The following KCNJ16 variants were observed in gnomAD, a reference collection of about 807,000 sequenced individuals.
KCNJ16 encodes potassium inwardly rectifying channel subfamily J member 16.
Under a neutral mutation model 18.5 loss-of-function variants are expected in KCNJ16, and 15 were observed. The ratio of observed to expected loss-of-function variants is 0.81; its 90% CI spans 0.54 to 1.25. The LOEUF is 1.25. Ranked by LOEUF, KCNJ16 falls within the 50% of genes most tolerant of loss-of-function variation. KCNJ16 has a pLI of 0.00. For synonymous variants in KCNJ16, 174 were observed against 186.5 expected (o/e 0.93, Z 0.55); for missense variants, 523 against 525.7 (o/e 0.99, Z 0.05).
chr17:70,110,549 G>GT (rs1342103164), intron 2 of KCNJ16, among the ~76,000 whole-genome samples: 3 of 152,070 alleles, frequency 2.0e-5, no homozygotes, highest in Non-Finnish European at 4.4e-5. Flanking sequence ...TAGTTCTTCA[G>GT]TAAGAGTCCA....
chr17:70,117,459 A>G (rs1184699300), intron 2 of KCNJ16, among the ~76,000 whole-genome samples: 1 of 152,200 alleles, frequency 6.6e-6, no homozygotes, highest in Non-Finnish European at 1.5e-5. Context: ...AGCTGAAAAA[A>G]TAATAATAAT....
chr17:70,076,183 T>G (rs1420197478), intron 1 of KCNJ16, among the ~76,000 whole-genome samples: 1 of 152,130 alleles, frequency 6.6e-6, no homozygotes, highest in Non-Finnish European at 1.5e-5. Flanking sequence ...GACTGAATGG[T>G]CTTTAGAAAA....
At chr17:70,112,040 A>G (rs1404083433) in intron 2 of KCNJ16, among the ~76,000 whole-genome samples, 1 of 152,192 alleles carries the variant, frequency 6.6e-6, no homozygotes, top group Non-Finnish European at 1.5e-5. Flanking sequence ...TATACATCAG[A>G]GTGGTCCTGC....
chr17:70,126,096 T>C (rs1409958012), intron 2 of KCNJ16, among the ~76,000 whole-genome samples: 1 of 152,200 alleles, frequency 6.6e-6, no homozygotes, highest in Non-Finnish European at 1.5e-5. Flanking sequence ...GGGGGAGATG[T>C]GCTTTACTAC....
rs201605958 is a variant in KCNJ16 at position 70,104,561 on chromosome 17, AAGC to A, written c.-191+3797_-191+3799del. On this transcript the variant is annotated intron_variant, in intron 2 of 3. Coordinates refer to ENST00000392671, the MANE Select transcript of KCNJ16 (RefSeq NM_170741.4). Reference sequence around the variant, plus strand: ...CAATCACAGAGCACCTACACTTAAGAAGCACACACTTGGAAGAGGTTGTACAAG... The same window carrying A: ...CAATCACAGAGCACCTACACTTAAGAACACACTTGGAAGAGGTTGTACAAG... 2.6e-3 allele frequency among the ~76,000 whole-genome samples: 399 copies of A among 152,336 alleles called. 4 individuals are homozygous for A. Among genetic ancestry groups the A allele is most frequent in the African/African-American group, 9.1e-3 (379 of 41,578 alleles).
intron 1 of KCNJ16, among the ~76,000 whole-genome samples, chr17:70,090,026 TA>T (rs1354603743): frequency 8.5e-5 from 13 of 152,236 alleles, no homozygotes; most frequent in Admixed American, 6.5e-4. Context: ...AGGACACTGT[TA>T]AATCATTTGC....
chr17:70,102,721 G>C (rs567718005), intron 2 of KCNJ16, among the ~76,000 whole-genome samples: 1 of 152,028 alleles, frequency 6.6e-6, no homozygotes, highest in Non-Finnish European at 1.5e-5. Flanking sequence ...ATTTGACAGC[G>C]GAACTCTCTG....
chr17:70,085,182 C>T (rs1442881758), intron 1 of KCNJ16, among the ~76,000 whole-genome samples: 1 of 152,174 alleles, frequency 6.6e-6, no homozygotes, highest in Admixed American at 6.5e-5. Flanking sequence ...GGACCATATA[C>T]CACTACATGG....
chr17:70,080,937 A>G (rs991301320), intron 1 of KCNJ16, among the ~76,000 whole-genome samples: 1 of 152,210 alleles, frequency 6.6e-6, no homozygotes, highest in Non-Finnish European at 1.5e-5. Flanking sequence ...CTGCTAAACT[A>G]GGGCTTAATA....
chr17:70,105,963 A>G lies in KCNJ16; in HGVS notation c.-191+5197A>G, dbSNP rs939889096. Among the ~76,000 whole-genome samples, 6 of 152,352 alleles carry G rather than the reference A, an allele frequency of 3.9e-5. No homozygotes were observed. In the South Asian group the frequency reaches 1.2e-3, roughly 32 times the overall value. ...TTAAAATCCCTCCCCTGCCTTTTAA[A>G]AAATTTCCCATGAATCTTGAAATAA... On this transcript the variant is annotated intron_variant, in intron 2 of 3. Coordinates refer to ENST00000392671, the MANE Select transcript of KCNJ16 (RefSeq NM_170741.4).
chr17:70,113,493 G>GT (rs1486861473), intron 2 of KCNJ16, among the ~76,000 whole-genome samples: 1 of 152,128 alleles, frequency 6.6e-6, no homozygotes, highest in East Asian at 1.9e-4. Context: ...TGTGTCCATA[G>GT]TTTTTTCCAG....
At chr17:70,101,044 C>CTATAA (rs1181435388) in intron 2 of KCNJ16, 1 of 152,176 alleles carries the variant, frequency 6.6e-6, no homozygotes, top group Non-Finnish European at 1.5e-5. Flanking sequence ...AATCCACAGT[C>CTATAA]TATTATACAT....
Position 70,132,360 on chromosome 17 carries a change from C to A in KCNJ16, c.273C>A (p.Val91=). ...TCTCGTGGTTGATATTTGGCTCTGT[C>A]TTTTGGCTCATAGCCTTTCATCATG... ...YILSWLIFGS[V]FWLIAFHHGD... is the part of the protein sequence containing the mutation. The change falls in exon 4 of 4, where the codon GTC becomes GTA. Residue 91 remains valine, a synonymous_variant. Coordinates refer to ENST00000392671, the MANE Select transcript of KCNJ16 (RefSeq NM_170741.4). 1.9e-6 allele frequency: 3 copies of A among 1,614,140 alleles called. No homozygotes were observed. In the East Asian group the frequency reaches 6.7e-5, roughly 36 times the overall value.
intron 2 of KCNJ16, among the ~76,000 whole-genome samples, chr17:70,109,473 T>C (rs16975149): frequency 0.011 from 1,740 of 152,292 alleles, 31 homozygotes; most frequent in African/African-American, 0.04. Flanking sequence ...ACCTATTTGA[T>C]GCAGACTTCT....
chr17:70,131,972 T>A (rs775598380), intron 3 of KCNJ16, 23 bp from the exon 4 acceptor site: 1 of 1,537,530 alleles, frequency 6.5e-7, no homozygotes, highest in Non-Finnish European at 8.7e-7. Flanking sequence ...AAAAAGTGTG[T>A]TTTTGTTGTT....
chr17:70,116,647 CACAA>C (rs1263605884), intron 2 of KCNJ16, among the ~76,000 whole-genome samples: 11 of 152,196 alleles, frequency 7.2e-5, no homozygotes, highest in Admixed American at 2.0e-4. Context: ...AACACTTTTA[CACAA>C]ACAGACACTT....
chr17:70,117,712 TC>T (rs1362220332), intron 2 of KCNJ16, among the ~76,000 whole-genome samples: 1 of 152,244 alleles, frequency 6.6e-6, no homozygotes, highest in African/African-American at 2.4e-5. Flanking sequence ...AATTATTTAT[TC>T]ATCTATTTCT....
At chr17:70,130,110 G>A (rs576245596) in intron 2 of KCNJ16, among the ~76,000 whole-genome samples, 16 of 152,082 alleles carry the variant, frequency 1.1e-4, no homozygotes, top group African/African-American at 3.9e-4. Context: ...TTTTTAATTT[G>A]AAATCATATG....
At chr17:70,124,389 T>G (rs762891152) in intron 2 of KCNJ16, among the ~76,000 whole-genome samples, 1 of 152,098 alleles carries the variant, frequency 6.6e-6, no homozygotes, top group Non-Finnish European at 1.5e-5. Context: ...TGCCTAAAAG[T>G]GGATGGGTCT....
Sources: gnomAD v4.1 joint callset for allele counts (sites outside exome capture counted in the v4.1 genomes callset) on GRCh38, gnomAD v4.1.1 for gene constraint, MANE v1.5 for transcripts, NCBI Gene and HGNC (gene_info 2026-07-23, HGNC 2026-07-21) for gene names.